Variants in RAB33A observed in about 807,000 individuals in gnomAD.
RAB33A encodes RAB33A, member RAS oncogene family, also known as ras-related protein Rab-33A.
RAB33A carries 6 observed loss-of-function variants against 12.0 expected under a neutral mutation model. The ratio of observed to expected loss-of-function variants is 0.50; its 90% CI spans 0.27 to 0.99. The LOEUF (loss-of-function observed/expected upper bound fraction) is 0.99. Among genes scored for constraint, RAB33A ranks in the 50% least tolerant of loss-of-function variants. RAB33A has a pLI of 0.11. For synonymous variants in RAB33A, 70 were observed against 82.4 expected, an observed-to-expected ratio of 0.85 and a Z score of 0.81; for missense variants, 109 against 192.0, an observed-to-expected ratio of 0.57 and a Z score of 2.55.
At chrX:130,126,092 T>G in the RAB33A span, among the ~76,000 whole-genome samples, 6 of 112,558 alleles carry the variant, frequency 5.3e-5, no homozygotes, top group Non-Finnish European at 1.1e-4. Context: ...CTGCCTCTTC[T>G]TCCCAGGGTG....
At chrX:130,152,753 C>A in the RAB33A span, among the ~76,000 whole-genome samples, 1 of 111,675 alleles carries the variant, frequency 9.0e-6, no homozygotes, top group African/African-American at 3.3e-5. Flanking sequence ...CACATCAATG[C>A]GAATCAGAAG....
At chrX:130,118,654 T>C in the RAB33A span, among the ~76,000 whole-genome samples, 11 of 112,077 alleles carry the variant, frequency 9.8e-5, no homozygotes, top group Admixed American at 2.8e-4. Flanking sequence ...AGCCCTCTTT[T>C]GAGGAAGCCA....
At chrX:130,129,879 G>A in the RAB33A span, 2 of 1,069,123 alleles carry the variant, frequency 1.9e-6, no homozygotes, top group Non-Finnish European at 2.6e-6. Flanking sequence ...CTGGCCGGGG[G>A]ACAATGCATC....
intron 1 of RAB33A, among the ~76,000 whole-genome samples, chrX:130,176,764 G>A (rs2031668286): frequency 8.9e-6 from 1 of 112,166 alleles, no homozygotes; most frequent in Non-Finnish European, 1.9e-5. Context: ...TCAGCTTTGT[G>A]TGTGGATCTT....
At chrX:130,152,137 AAAAAAAG>A in the RAB33A span, among the ~76,000 whole-genome samples, 1 of 111,717 alleles carries the variant, frequency 9.0e-6, no homozygotes, top group African/African-American at 3.3e-5. Flanking sequence ...AAAGAAAAGA[AAAAAAAG>A]AAAAGTTTTA....
the RAB33A span, among the ~76,000 whole-genome samples, chrX:130,144,081 G>A: frequency 8.9e-6 from 1 of 111,826 alleles, no homozygotes; most frequent in Non-Finnish European, 1.9e-5. Context: ...ATTATTGGGA[G>A]GATAAAATGA....
the RAB33A span, among the ~76,000 whole-genome samples, chrX:130,163,516 C>T: frequency 9.0e-6 from 1 of 111,302 alleles, no homozygotes; most frequent in Middle Eastern, 4.6e-3. Context: ...TTTAACACTA[C>T]CCTCACCCAT....
chrX:130,147,490 C>G, the RAB33A span: 1 of 1,211,882 alleles, frequency 8.3e-7, no homozygotes, highest in Non-Finnish European at 1.1e-6. Context: ...TAAGCAAACA[C>G]ACCTTCTCTC....
the RAB33A span, chrX:130,147,899 G>A: frequency 8.3e-7 from 1 of 1,210,430 alleles, no homozygotes; most frequent in Non-Finnish European, 1.1e-6. Context: ...GAACAGACTG[G>A]ATGAATCTTC....
chrX:130,140,107 G>A, the RAB33A span, among the ~76,000 whole-genome samples: 1 of 112,314 alleles, frequency 8.9e-6, no homozygotes, highest in Non-Finnish European at 1.9e-5. Flanking sequence ...GCCCCTAGGT[G>A]GCCAAAAGGC....
At chrX:130,114,955 C>T in the RAB33A span, among the ~76,000 whole-genome samples, 2 of 111,546 alleles carry the variant, frequency 1.8e-5, no homozygotes, top group Non-Finnish European at 3.8e-5. Flanking sequence ...AGATGCACAC[C>T]ACCATGCCTG....
the RAB33A span, chrX:130,137,770 G>A: frequency 1.0e-6 from 1 of 1,001,491 alleles, no homozygotes; most frequent in South Asian, 3.4e-5. Flanking sequence ...AGGAAAGAAA[G>A]TATTGCTGTT....
chrX:130,131,746 C>G, the RAB33A span: 1 of 1,211,672 alleles, frequency 8.3e-7, no homozygotes, highest in South Asian at 1.8e-5. Context: ...TGTGGGCAAA[C>G]TACTGTCCAC....
At chrX:130,121,057 C>T in the RAB33A span, among the ~76,000 whole-genome samples, 14 of 112,157 alleles carry the variant, frequency 1.2e-4, no homozygotes, top group Non-Finnish European at 2.6e-4. Context: ...CTGCCCGGCG[C>T]AGGCAGCCAG....
the RAB33A span, among the ~76,000 whole-genome samples, chrX:130,161,701 G>A: frequency 9.7e-6 from 1 of 102,830 alleles, no homozygotes; most frequent in Non-Finnish European, 2.0e-5. Flanking sequence ...TCCACTTCCC[G>A]GGTTCAAGCA....
chrX:130,132,648 C>T, the RAB33A span, among the ~76,000 whole-genome samples: 11 of 112,880 alleles, frequency 9.7e-5, no homozygotes, highest in African/African-American at 3.2e-4. Context: ...AGCAATCCCC[C>T]GGCCTTGGCC....
chrX:130,164,167 CAAAA>C, the RAB33A span, among the ~76,000 whole-genome samples: 9 of 74,854 alleles, frequency 1.2e-4, no homozygotes, highest in African/African-American at 3.8e-4. Flanking sequence ...GACTCCGTCT[CAAAA>C]AAAAAAAAAA....
upstream of RAB33A, among the ~76,000 whole-genome samples, chrX:130,170,011 T>C (rs1243435201): frequency 8.9e-6 from 1 of 112,425 alleles, no homozygotes; most frequent in African/African-American, 3.2e-5. Flanking sequence ...TGATGATTGA[T>C]ACATAATACA....
the RAB33A span, among the ~76,000 whole-genome samples, chrX:130,134,811 G>A: frequency 9.8e-5 from 11 of 111,704 alleles, no homozygotes; most frequent in Non-Finnish European, 1.9e-4. Context: ...GTGAGCAACC[G>A]TAAACTGTGA....
Sources: gnomAD v4.1 joint callset for allele counts (sites outside exome capture counted in the v4.1 genomes callset) on GRCh38, gnomAD v4.1.1 for gene constraint, MANE v1.5 for transcripts, NCBI Gene and HGNC (gene_info 2026-07-23, HGNC 2026-07-21) for gene names.